The following ERG variants were observed in gnomAD, a reference collection of about 807,000 sequenced individuals.
ERG encodes transcriptional regulator ERG.
In ERG, 9 loss-of-function variants were observed where a neutral mutation model predicts 55.3. The observed-to-expected ratio is 0.16, with a 90% CI of 0.10 to 0.28. The LOEUF is 0.28. Among genes scored for constraint, ERG ranks in the 10% least tolerant of loss-of-function variants. The pLI, the probability that ERG is intolerant of heterozygous loss-of-function variation, is 1.00. For missense variants in ERG, 434 were observed against 631.6 expected (o/e 0.69, Z 3.35); for synonymous variants, 223 against 237.3 (o/e 0.94, Z 0.55).
intron 1 of ERG, among the ~76,000 whole-genome samples, chr21:38,636,960 C>G (rs1479445602): frequency 6.6e-6 from 1 of 152,074 alleles, no homozygotes; most frequent in African/African-American, 2.4e-5. Flanking sequence ...GGATTCTTAA[C>G]AAATGGGAGA....
chr21:38,547,012 C>G (rs2059792005), intron 2 of ERG, among the ~76,000 whole-genome samples: 1 of 152,162 alleles, frequency 6.6e-6, no homozygotes, highest in African/African-American at 2.4e-5. Flanking sequence ...TCTCTGCAGA[C>G]AGTCTGCCTG....
rs2059968893 is a variant in ERG at position 38,573,012 on chromosome 21, A to G, written c.-41+2650T>C. Among the ~76,000 whole-genome samples the G allele has an allele frequency of 2.0e-5, 3 of 152,230 alleles. 1 individual carries two copies. Among genetic ancestry groups the G allele is most frequent in the South Asian group, 4.1e-4 (2 of 4,832 alleles). ...TTGCCCCAACCACTTTGCCCTAGCC[A>G]CTTTGACCCAACCTGGAGCTCACAA... On this transcript the variant is annotated intron_variant, in intron 2 of 8. Coordinates refer to the ERG transcript ENST00000398897.
chr21:38,526,962 G>A (rs913004806), intron 2 of ERG, among the ~76,000 whole-genome samples: 3 of 152,190 alleles, frequency 2.0e-5, no homozygotes, highest in African/African-American at 7.2e-5. Flanking sequence ...AGTAATGGGA[G>A]AAAGATGATG....
chr21:38,408,952 A>G (rs1023810809), intron 3 of ERG, among the ~76,000 whole-genome samples: 9 of 152,204 alleles, frequency 5.9e-5, no homozygotes, highest in African/African-American at 1.2e-4. Flanking sequence ...ATTTAATTTT[A>G]TAACTGGACC....
chr21:38,607,338 C>T (rs946118307), intron 1 of ERG, among the ~76,000 whole-genome samples: 2 of 152,180 alleles, frequency 1.3e-5, no homozygotes, highest in Middle Eastern at 3.4e-3. Flanking sequence ...AAATGAAATT[C>T]AAAATACAAA....
At chr21:38,574,413 T>C (rs542561450) in intron 2 of ERG, among the ~76,000 whole-genome samples, 3 of 152,320 alleles carry the variant, frequency 2.0e-5, no homozygotes, top group African/African-American at 4.8e-5. Context: ...TGCTCCTCTA[T>C]GGCCTTGGGC....
In ERG at chr21:38,467,378, T is replaced by C. The variant is rs551124989; in HGVS notation, c.19-21757A>G. 9.2e-5 allele frequency among the ~76,000 whole-genome samples: 14 copies of C among 152,300 alleles called. No homozygotes were observed. The East Asian group carries it at 2.5e-3, about 27-fold the overall frequency. ...GATCTTTTATGCATCATATAGTACATCTTCCCAAAAAAGCAGGTGGAAACC... is the reference window on the plus strand; with the variant it reads ...GATCTTTTATGCATCATATAGTACACCTTCCCAAAAAAGCAGGTGGAAACC... On this transcript the variant is annotated intron_variant, in intron 1 of 9. Coordinates refer to ENST00000288319, the MANE Select transcript of ERG (RefSeq NM_182918.4).
At chr21:38,450,659 G>GT (rs2058933316) in intron 1 of ERG, among the ~76,000 whole-genome samples, 1 of 151,976 alleles carries the variant, frequency 6.6e-6, no homozygotes, top group African/African-American at 2.4e-5. Flanking sequence ...AATAAACCAG[G>GT]TTACCTTAAG....
In ERG at chr21:38,539,936, G is replaced by A. The variant is rs185923577; in HGVS notation, c.-41+35726C>T. ...TTTTGAGACAGAGTCTTGCTCTGTC[G>A]CCCAGGCTGGAGTACAGTGGCACGA... On this transcript the variant is annotated intron_variant, in intron 2 of 8. Coordinates refer to the ERG transcript ENST00000398897. Among the ~76,000 whole-genome samples, 574 of 134,734 alleles carry A rather than the reference G, an allele frequency of 4.3e-3. 3 individuals are homozygous for A. Among genetic ancestry groups the A allele is most frequent in the African/African-American group, 0.015 (517 of 35,446 alleles). 88.4% of individuals were successfully genotyped at this position (134,734 alleles called of 152,430 possible). A position where few individuals can be genotyped will look rare whatever the true frequency, so the allele number is the denominator to read the frequency against.
chr21:38,451,299 T>G, intron 1 of ERG: 1 of 461,272 alleles, frequency 2.2e-6, no homozygotes, highest in Non-Finnish European at 4.3e-6. Context: ...AGGGGATGTG[T>G]AGCAATGGGC....
intron 1 of ERG, among the ~76,000 whole-genome samples, chr21:38,456,246 G>T (rs1216233937): frequency 2.0e-5 from 3 of 152,002 alleles, no homozygotes; most frequent in African/African-American, 7.3e-5. Flanking sequence ...CTAACTGCAG[G>T]GTCTTTCCCT....
intron 2 of ERG, among the ~76,000 whole-genome samples, chr21:38,506,429 C>T (rs977176936): frequency 1.3e-5 from 2 of 152,046 alleles, no homozygotes; most frequent in East Asian, 1.9e-4. Flanking sequence ...AAAAGCCTCA[C>T]GGTCCCTTCC....
the ERG span, among the ~76,000 whole-genome samples, chr21:38,374,276 G>A: frequency 1.3e-5 from 2 of 152,242 alleles, no homozygotes; most frequent in Admixed American, 1.3e-4. Flanking sequence ...TGCCAGTCCA[G>A]CTAAGTGTCT....
chr21:38,496,685 A>T (rs2059382325), intron 1 of ERG, among the ~76,000 whole-genome samples: 1 of 152,262 alleles, frequency 6.6e-6, no homozygotes, highest in Non-Finnish European at 1.5e-5. Context: ...TTTCCAAAAA[A>T]GTGTTCAGAA....
intron 2 of ERG, among the ~76,000 whole-genome samples, chr21:38,549,590 T>C (rs563807893): frequency 2.2e-4 from 33 of 152,228 alleles, no homozygotes; most frequent in African/African-American, 3.6e-4. Flanking sequence ...GTATGTAACA[T>C]GCCAAAGTCA....
At chr21:38,418,439 C>T (rs148002018) in intron 3 of ERG, among the ~76,000 whole-genome samples, 50 of 152,186 alleles carry the variant, frequency 3.3e-4, no homozygotes, top group African/African-American at 1.1e-3. Flanking sequence ...GGAACCACCA[C>T]TACACCTGGC....
chr21:38,530,975 C>T (rs1487702130), intron 2 of ERG, among the ~76,000 whole-genome samples: 2 of 152,180 alleles, frequency 1.3e-5, no homozygotes, highest in Non-Finnish European at 2.9e-5. Flanking sequence ...CCTTCATACT[C>T]GGAGAAGATG....
chr21:38,387,324 GCAGCAGGTGTGTC>G (rs1569056544), intron 9 of ERG, among the ~76,000 whole-genome samples: 2 of 152,194 alleles, frequency 1.3e-5, no homozygotes, highest in South Asian at 2.1e-4. Flanking sequence ...CCTCTGCAAG[GCAGCAGGTGTGTC>G]CAGCAGGTGT....
Position 38,498,426 on chromosome 21 carries a change from A to G in ERG, c.-46T>C. 1.3e-6 allele frequency: 2 copies of G among 1,598,000 alleles called. No homozygotes were observed. The highest frequency in any genetic ancestry group is 1.7e-6 in the Non-Finnish European group (2 of 1,171,614). On this transcript the variant is annotated 5_prime_UTR_variant, in exon 1 of 10. Coordinates refer to ENST00000288319, the MANE Select transcript of ERG (RefSeq NM_182918.4). This position sits in a 1 kb window ranked among gnomAD's most constrained non-coding sequence, Gnocchi z 4.6. ...TCGTTAATAAATGTTAATAATAATT[A>G]TTGCTTCTCTCTGACCAGAAAGTAG...
Sources: allele counts gnomAD v4.1 joint callset (sites outside exome capture counted in the v4.1 genomes callset), GRCh38; gene constraint gnomAD v4.1.1; non-coding constraint Gnocchi (gnomAD v3.1); transcripts MANE v1.5; gene names NCBI Gene and HGNC (gene_info 2026-07-23, HGNC 2026-07-21).